FBXL13: variants seen among roughly 807,000 people sequenced by gnomAD.
The protein encoded by FBXL13 is F-box and leucine-rich repeat protein 13.
In FBXL13, 67 loss-of-function variants were observed where a neutral mutation model predicts 83.6. The ratio of observed to expected loss-of-function variants is 0.80; its 90% CI spans 0.66 to 0.98. The LOEUF is 0.98. Among genes scored for constraint, FBXL13 ranks in the 50% least tolerant of loss-of-function variants. The pLI is 0.00. For missense variants in FBXL13, 822 were observed against 866.5 expected (o/e 0.95, Z 0.64); for synonymous variants, 272 against 299.5 (o/e 0.91, Z 0.95).
At chr7:103,039,293 A>C (rs751609991) in intron 2 of FBXL13, among the ~76,000 whole-genome samples, 6 of 152,222 alleles carry the variant, frequency 3.9e-5, no homozygotes, top group Non-Finnish European at 8.8e-5. Context: ...AAAGAAATGA[A>C]CAAAGCCTCC....
rs1283337094 is a variant in FBXL13, at chr7:102,848,384, G to A, written c.1719+6393C>T. Among the ~76,000 whole-genome samples the A allele has an allele frequency of 1.3e-4, 13 of 99,904 alleles. 1 individual carries two copies. Among genetic ancestry groups the A allele is most frequent in the Non-Finnish European group, 2.0e-4 (11 of 54,474 alleles). 65.5% of individuals were successfully genotyped at this position (99,904 alleles called of 152,430 possible). A position where few individuals can be genotyped will look rare whatever the true frequency, so the allele number is the denominator to read the frequency against. ...ATCCTGGCTAACACGGTGAAACCCC[G>A]TCTCTACTAAAAATACAAAAAATTA... On this transcript the variant is annotated intron_variant, in intron 17 of 19. Coordinates refer to ENST00000313221, the Ensembl canonical transcript of FBXL13.
chr7:102,963,405 G>A (rs940684739), intron 8 of FBXL13, 128 bp downstream of exon 9: 1 of 1,065,522 alleles, frequency 9.4e-7, no homozygotes, highest in Admixed American at 2.8e-5. Context: ...CTTATTAAAT[G>A]GTTATAATTG....
At chr7:102,919,724 T>A (rs771403988) in intron 10 of FBXL13, among the ~76,000 whole-genome samples, 81 of 152,246 alleles carry the variant, frequency 5.3e-4, no homozygotes, top group African/African-American at 1.9e-3. Flanking sequence ...TCAAGAACTA[T>A]ACATGAAGAG....
intron 6 of FBXL13, among the ~76,000 whole-genome samples, chr7:103,023,103 C>A (rs1458493518): frequency 2.6e-5 from 4 of 152,122 alleles, no homozygotes. Context: ...GGTGAAACCC[C>A]GCCTCTACTA....
intron 1 of FBXL13, among the ~76,000 whole-genome samples, chr7:103,060,062 A>ATATATATG (rs1797752621): frequency 8.9e-6 from 1 of 112,050 alleles, no homozygotes; most frequent in African/African-American, 3.4e-5. Context: ...ATATATATAT[A>ATATATATG]TACTTTTTTT....
At chr7:102,907,144 T>C (rs1271227915) in intron 11 of FBXL13, among the ~76,000 whole-genome samples, 2 of 152,130 alleles carry the variant, frequency 1.3e-5, no homozygotes, top group African/African-American at 2.4e-5. Flanking sequence ...GGCTAATTTT[T>C]ATATTTTTAG....
chr7:102,943,469 A>G (rs534182922), intron 8 of FBXL13, among the ~76,000 whole-genome samples: 1 of 152,344 alleles, frequency 6.6e-6, no homozygotes, highest in Admixed American at 6.5e-5. Context: ...ACACATTTAC[A>G]GTGAAGAAAT....
At chr7:102,912,889 C>G in intron 11 of FBXL13, 197 bp downstream of exon 12, 1 of 603,882 alleles carries the variant, frequency 1.7e-6, no homozygotes, top group Non-Finnish European at 2.8e-6. Flanking sequence ...CTGTGTGACA[C>G]TCCAGTGGAA....
intron 8 of FBXL13, among the ~76,000 whole-genome samples, chr7:102,959,921 T>G (rs530775009): frequency 2.6e-5 from 4 of 152,230 alleles, no homozygotes; most frequent in African/African-American, 9.6e-5. Context: ...GGAAAGATTT[T>G]CAGGACATAA....
At chr7:102,867,266 G>C (rs1423810127) in intron 16 of FBXL13, among the ~76,000 whole-genome samples, 1 of 152,110 alleles carries the variant, frequency 6.6e-6, no homozygotes, top group South Asian at 2.1e-4. Context: ...GCTGAGGCAG[G>C]AGGATCACTT....
intron 16 of FBXL13, among the ~76,000 whole-genome samples, chr7:102,861,002 T>C (rs1716312810): frequency 6.6e-6 from 1 of 151,750 alleles, no homozygotes; most frequent in Admixed American, 6.6e-5. Context: ...CACACACATA[T>C]ATATATACAC....
intron 16 of FBXL13, among the ~76,000 whole-genome samples, chr7:102,866,459 C>A (rs1299634529): frequency 6.6e-6 from 1 of 152,136 alleles, no homozygotes; most frequent in Non-Finnish European, 1.5e-5. Context: ...TGAAAAAAAA[C>A]CAAAAGCCCA....
intron 2 of FBXL13, among the ~76,000 whole-genome samples, chr7:103,045,920 C>G (rs1796229394): frequency 6.6e-6 from 1 of 152,224 alleles, no homozygotes; most frequent in African/African-American, 2.4e-5. Flanking sequence ...TCGCACATTT[C>G]TTTCAGCTCG....
Position 102,976,835 on chromosome 7 carries a change from C to T in FBXL13, c.496-8718G>A, listed in dbSNP as rs1048133881. 3.0e-4 allele frequency among the ~76,000 whole-genome samples: 45 copies of T among 152,172 alleles called. 2 individuals are homozygous for T. The highest frequency in any genetic ancestry group is 1.0e-4 in the Non-Finnish European group (7 of 68,038). On this transcript the variant is annotated intron_variant, in intron 6 of 19. Transcript: ENST00000313221. ...TGTTAAAAAACCAGATGGAACTTATCGCTTAGTCCAGGACCTCAGGCTTAT... is the reference window on the plus strand; with the variant it reads ...TGTTAAAAAACCAGATGGAACTTATTGCTTAGTCCAGGACCTCAGGCTTAT...
exon 20 of FBXL13, chr7:102,813,398 C>A (rs762450465): frequency 1.2e-6 from 2 of 1,613,930 alleles, no homozygotes; most frequent in Non-Finnish European, 1.7e-6. Context: ...AATTCTAAGG[C>A]TCCTTTAGAT....
chr7:102,995,478 CAAAAAAAAAAAA>C lies in FBXL13; in HGVS notation c.496-27373_496-27362del, dbSNP rs1158263069. The stretch of plus-strand genomic sequence containing the variant: ...CCTGGATGACAGCGAGACTCCATCT[CAAAAAAAAAAAA>C]AAAAAAAAAAAAAATAGGCCGGGCA... On this transcript the variant is annotated intron_variant, in intron 6 of 19. Transcript: ENST00000313221. Among the ~76,000 whole-genome samples, 851 of 28,628 alleles carry C rather than the reference CAAAAAAAAAAAA, an allele frequency of 0.03. 62 individuals carry two copies. The East Asian group carries it at 0.33, about 11-fold the overall frequency. The allele number at this position is 28,628 out of a possible 152,430, so 18.8% of individuals were successfully genotyped here.
chr7:103,070,011 G>A (rs917155241), intron 1 of FBXL13, among the ~76,000 whole-genome samples: 4 of 150,972 alleles, frequency 2.6e-5, no homozygotes, highest in Admixed American at 6.6e-5. Context: ...GCCAGGAGGC[G>A]GAGCTTGCAG....
intron 17 of FBXL13, among the ~76,000 whole-genome samples, chr7:102,848,549 C>T (rs1804562178): frequency 6.8e-5 from 1 of 14,738 alleles, no homozygotes; most frequent in South Asian, 2.4e-3. Context: ...GAGCGAGACT[C>T]CGTCTCAAAA....
Position 102,870,274 on chromosome 7 carries a change from C to T in FBXL13, c.1635+7193G>A, listed in dbSNP as rs188112965. Among the ~76,000 whole-genome samples, 15 of 152,232 alleles carry T rather than the reference C, an allele frequency of 9.9e-5. No individual in the cohort carries two copies. The East Asian group carries it at 2.5e-3, about 25-fold the overall frequency. On this transcript the variant is annotated intron_variant, in intron 16 of 19. Coordinates refer to ENST00000313221, the Ensembl canonical transcript of FBXL13. ...AATATACAGCACATTAGGAACTCAA[C>T]AACACTTATTTTTTAAAAATCTAGA...
Sources: allele counts gnomAD v4.1 joint callset (sites outside exome capture counted in the v4.1 genomes callset), GRCh38; gene constraint gnomAD v4.1.1; transcripts MANE v1.5; gene names NCBI Gene and HGNC (gene_info 2026-07-23, HGNC 2026-07-21).